ADGRL3: variants seen among roughly 807,000 people sequenced by gnomAD.
The protein encoded by ADGRL3 is calcium-independent alpha-latrotoxin receptor 3.
In ADGRL3, 62 loss-of-function variants were observed where a neutral mutation model predicts 153.5. The observed-to-expected ratio is 0.40, with a 90% CI of 0.33 to 0.50. The LOEUF (loss-of-function observed/expected upper bound fraction) is 0.50, where lower values mean the gene tolerates loss of function less well. Ranked by LOEUF, ADGRL3 falls within the 20% of genes least tolerant of loss-of-function variation. The pLI is 0.47. For synonymous variants in ADGRL3, 710 were observed against 672.5 expected (o/e 1.06, Z -0.86); for missense variants, 1,641 against 1,859.4 (o/e 0.88, Z 2.16).
chr4:61,540,386 T>C (rs2098682729), intron 4 of ADGRL3, among the ~76,000 whole-genome samples: 1 of 151,826 alleles, frequency 6.6e-6, no homozygotes, highest in African/African-American at 2.4e-5. Context: ...CCGTCTCTAC[T>C]AAAAATACAA....
intron 2 of ADGRL3, among the ~76,000 whole-genome samples, chr4:61,434,659 T>G (rs2097422296): frequency 6.6e-6 from 1 of 152,124 alleles, no homozygotes. Flanking sequence ...TCATTTGCAG[T>G]AATTTTGAAT....
chr4:62,059,464 A>G (rs1738897843), intron 25 of ADGRL3, among the ~76,000 whole-genome samples: 1 of 152,164 alleles, frequency 6.6e-6, no homozygotes, highest in Non-Finnish European at 1.5e-5. Context: ...CATGAAAGTG[A>G]GTGCTAGACA....
intron 8 of ADGRL3, among the ~76,000 whole-genome samples, chr4:61,808,500 G>A (rs546984683): frequency 4.7e-4 from 72 of 152,144 alleles, no homozygotes; most frequent in African/African-American, 1.7e-3. Flanking sequence ...TAAGATGAAG[G>A]GGGGAAAAAA....
chr4:61,382,478 A>G (rs986600916), intron 1 of ADGRL3, among the ~76,000 whole-genome samples: 9 of 151,770 alleles, frequency 5.9e-5, no homozygotes, highest in Non-Finnish European at 1.3e-4. Context: ...AGTCTGTTTT[A>G]TTATTTGTTT....
chr4:61,936,001 C>T lies in ADGRL3; in HGVS notation c.2375C>T (p.Thr792Ile), dbSNP rs779195293. ...CCAGAAAACATGGGCCATGGAAGCA[C>T]TATCCAGCTGTCTGCAAATACCTTA... is the stretch of plus-strand genomic sequence containing the variant. ...KFPENMGHGSTIQLSANTLKQ... is the reference protein window; with the variant it reads ...KFPENMGHGSIIQLSANTLKQ... The change falls in exon 15 of 27, where the codon ACT becomes ATT. Residue 792 changes from threonine to isoleucine, a missense_variant. Physicochemically the swap from Thr to Ile is moderately conservative, Grantham distance 89 (BLOSUM62 -1). Coordinates refer to ENST00000683033, the MANE Select transcript of ADGRL3 (RefSeq NM_001387552.1). The T allele has an allele frequency of 1.2e-6, 2 of 1,609,840 alleles. No individual in the cohort carries two copies. Among genetic ancestry groups the T allele is most frequent in the East Asian group, 2.2e-5 (1 of 44,796 alleles).
At chr4:61,542,184 G>T (rs2098693519) in intron 4 of ADGRL3, among the ~76,000 whole-genome samples, 2 of 152,138 alleles carry the variant, frequency 1.3e-5, no homozygotes, top group African/African-American at 4.8e-5. Context: ...TGGGATCATA[G>T]CTTCAATCCA....
chr4:61,535,989 GGTT>G (rs1258461553), intron 4 of ADGRL3, among the ~76,000 whole-genome samples: 1 of 151,954 alleles, frequency 6.6e-6, no homozygotes, highest in Admixed American at 6.6e-5. Context: ...TGTGATATTA[GGTT>G]GTTAATTGGA....
intron 8 of ADGRL3, among the ~76,000 whole-genome samples, chr4:61,771,526 A>G (rs1159362573): frequency 6.6e-6 from 1 of 152,194 alleles, no homozygotes; most frequent in African/African-American, 2.4e-5. Flanking sequence ...TCCTGACACA[A>G]TTGAATCCCC....
intron 11 of ADGRL3, among the ~76,000 whole-genome samples, chr4:61,903,286 G>A (rs1012938589): frequency 1.3e-5 from 2 of 151,936 alleles, no homozygotes; most frequent in African/African-American, 4.8e-5. Context: ...GTTTCACTTG[G>A]TGGTTACTTC....
intron 1 of ADGRL3, among the ~76,000 whole-genome samples, chr4:61,247,118 G>C (rs1364009699): frequency 6.6e-6 from 1 of 151,880 alleles, no homozygotes; most frequent in East Asian, 1.9e-4. Flanking sequence ...GAGCATATTG[G>C]CTTTCAAACC....
intron 15 of ADGRL3, among the ~76,000 whole-genome samples, chr4:61,936,396 T>C (rs1283255205): frequency 6.6e-6 from 1 of 152,160 alleles, no homozygotes; most frequent in East Asian, 1.9e-4. Context: ...AAATTTTTAA[T>C]GTAAATTTTA....
chr4:61,395,356 A>G (rs566968936), intron 2 of ADGRL3, among the ~76,000 whole-genome samples: 1 of 152,118 alleles, frequency 6.6e-6, no homozygotes, highest in East Asian at 1.9e-4. Flanking sequence ...TTTGCTGTAT[A>G]TATGCTTATA....
At chr4:61,886,188 C>A (rs796218537) in intron 9 of ADGRL3, among the ~76,000 whole-genome samples, 24 of 152,062 alleles carry the variant, frequency 1.6e-4, no homozygotes, top group African/African-American at 5.8e-4. Context: ...ATTTCATGAC[C>A]GATAATATGA....
intron 1 of ADGRL3, among the ~76,000 whole-genome samples, chr4:61,212,739 G>A (rs1429306076): frequency 6.6e-6 from 1 of 152,112 alleles, no homozygotes; most frequent in Non-Finnish European, 1.5e-5. Flanking sequence ...ATTTTTAAAG[G>A]TTAGTAGAAG....
At chr4:62,018,672 G>A (rs1027188494) in intron 21 of ADGRL3, among the ~76,000 whole-genome samples, 16 of 152,246 alleles carry the variant, frequency 1.1e-4, no homozygotes, top group Admixed American at 2.6e-4. Flanking sequence ...TGGGATTGGC[G>A]TAGGAAGGAC....
chr4:61,623,130 A>G (rs538057747), intron 5 of ADGRL3, among the ~76,000 whole-genome samples: 7 of 152,276 alleles, frequency 4.6e-5, no homozygotes, highest in Admixed American at 2.0e-4. Context: ...AATAACACGT[A>G]TACCAATTTG....
In ADGRL3 at chr4:61,432,631, T is replaced by C. The variant is rs1473215575; in HGVS notation, c.-174+49442T>C. ...CTTTCTTTCTTTCTTTCTTTCTTTC[T>C]TTCTTTCTTTCTTTCTTTCTTTCTT... On this transcript the variant is annotated intron_variant, in intron 2 of 26. Transcript: ENST00000683033. Among the ~76,000 whole-genome samples the C allele has an allele frequency of 2.4e-5, 2 of 84,282 alleles. 1 individual carries two copies. The highest frequency in any genetic ancestry group is 5.0e-5 in the Non-Finnish European group (2 of 39,890). The allele number at this position is 84,282 out of a possible 152,430, so 55.3% of individuals were successfully genotyped here.
intron 11 of ADGRL3, among the ~76,000 whole-genome samples, chr4:61,900,239 G>A (rs1401188596): frequency 6.6e-6 from 1 of 152,096 alleles, no homozygotes; most frequent in Non-Finnish European, 1.5e-5. Flanking sequence ...AATGCACCAA[G>A]TTGCTGACTT....
chr4:61,905,906 G>GA (rs551538962), intron 11 of ADGRL3, among the ~76,000 whole-genome samples: 5 of 147,112 alleles, frequency 3.4e-5, no homozygotes, highest in Non-Finnish European at 4.5e-5. Flanking sequence ...AAAAAAAAAA[G>GA]AAAAAAAAAG....
Sources: gnomAD v4.1 joint callset for allele counts (sites outside exome capture counted in the v4.1 genomes callset) on GRCh38, gnomAD v4.1.1 for gene constraint, MANE v1.5 for transcripts, NCBI Gene and HGNC (gene_info 2026-07-23, HGNC 2026-07-21) for gene names.